The following MON2 variants were observed in gnomAD, a reference collection of about 807,000 sequenced individuals.
MON2 encodes MON2 regulator of endosome-to-Golgi trafficking, also known as protein MON2 homolog.
MON2 carries 84 observed loss-of-function variants against 208.6 expected under a neutral mutation model. The observed-to-expected ratio is 0.40, with a 90% CI of 0.34 to 0.48. The LOEUF (loss-of-function observed/expected upper bound fraction) is 0.48, where lower values mean the gene tolerates loss of function less well. Ranked by LOEUF, MON2 falls within the 20% of genes least tolerant of loss-of-function variation. The probability of loss-of-function intolerance (pLI) is 0.59; values close to 1 mark genes in which losing one functional copy is unlikely to be tolerated. For missense variants in MON2, 1,611 were observed against 2,015.4 expected (o/e 0.80, Z 3.84); for synonymous variants, 660 against 694.0 (o/e 0.95, Z 0.77).
intron 11 of MON2, 147 bp from the exon 12 acceptor site, chr12:62,532,291 C>G: frequency 1.5e-6 from 1 of 647,362 alleles, no homozygotes; most frequent in Non-Finnish European, 2.6e-6. Context: ...GATCTCTTCC[C>G]TAAATGAAAG....
chr12:62,521,097 C>G (rs917069555), intron 8 of MON2, among the ~76,000 whole-genome samples: 3 of 151,804 alleles, frequency 2.0e-5, no homozygotes, highest in Non-Finnish European at 4.4e-5. Flanking sequence ...CCTCTGCCTC[C>G]CAGGTTCAAG....
intron 1 of MON2, among the ~76,000 whole-genome samples, chr12:62,468,956 T>G (rs573603747): frequency 6.6e-6 from 1 of 152,142 alleles, no homozygotes. Flanking sequence ...TTTTTTGTTT[T>G]GTTTTTTGAT....
chr12:62,473,380 A>C (rs2068893454), intron 1 of MON2, among the ~76,000 whole-genome samples: 1 of 151,688 alleles, frequency 6.6e-6, no homozygotes, highest in African/African-American at 2.4e-5. Flanking sequence ...CTCCTCTCCC[A>C]TTTTCCATTA....
At chr12:62,547,441 G>A (rs1592361309) in intron 22 of MON2, among the ~76,000 whole-genome samples, 2 of 152,270 alleles carry the variant, frequency 1.3e-5, no homozygotes, top group African/African-American at 4.8e-5. Flanking sequence ...TAAATTATTT[G>A]ATAAGATGTG....
rs2072895315 is a variant in MON2 at position 62,534,936 on chromosome 12, C to A, written c.1715+10C>A. The stretch of plus-strand genomic sequence containing the variant: ...TCCTTCTTGATGCCAGGTATTAAGT[C>A]TTTGTAAGTTTTATATTGAACTGTG... On this transcript the variant is annotated intron_variant, in intron 13 of 34. Transcript: ENST00000393630. 6.3e-7 allele frequency: 1 copy of A among 1,589,502 alleles called. No homozygotes were observed. Among genetic ancestry groups the A allele is most frequent in the Non-Finnish European group, 8.6e-7 (1 of 1,162,972 alleles).
At chr12:62,554,734 A>G (rs2073894260) in intron 24 of MON2, among the ~76,000 whole-genome samples, 1 of 152,110 alleles carries the variant, frequency 6.6e-6, no homozygotes, top group African/African-American at 2.4e-5. Context: ...GGCTTCAAGC[A>G]ATCATCCCCA....
chr12:62,499,139 T>G (rs2070700556), intron 5 of MON2, 91 bp downstream of exon 5: 1 of 1,310,440 alleles, frequency 7.6e-7, no homozygotes, highest in East Asian at 2.5e-5. Context: ...TGATCAACAT[T>G]ATTATGTCTA....
In MON2 at chr12:62,495,005, C is replaced by T; in HGVS notation, c.304-11C>T. On this transcript the variant is annotated splice_polypyrimidine_tract_variant and intron_variant, in intron 3 of 34. Transcript: ENST00000393630. The stretch of plus-strand genomic sequence containing the variant: ...TATTTGTTGACAATAATTAAAATAA[C>T]TATTTTACAGACTGCAGCTGGAAAT... 1 of 1,588,996 alleles carries T rather than the reference C, an allele frequency of 6.3e-7. No individual in the cohort carries two copies. Among genetic ancestry groups the T allele is most frequent in the Non-Finnish European group, 8.6e-7 (1 of 1,164,150 alleles).
At chr12:62,498,370 C>T (rs1565975143) in intron 4 of MON2, among the ~76,000 whole-genome samples, 3 of 152,092 alleles carry the variant, frequency 2.0e-5, no homozygotes, top group African/African-American at 7.2e-5. Flanking sequence ...CACAAGAAAA[C>T]TTTTGGGGTG....
chr12:62,531,007 T>G (rs2072611203), intron 11 of MON2, among the ~76,000 whole-genome samples: 2 of 152,254 alleles, frequency 1.3e-5, no homozygotes. Context: ...TTTGTGTGCT[T>G]CTTGGCCATT....
intron 7 of MON2, among the ~76,000 whole-genome samples, chr12:62,506,876 GACA>G (rs1193605481): frequency 6.6e-6 from 1 of 152,124 alleles, no homozygotes; most frequent in Non-Finnish European, 1.5e-5. Flanking sequence ...AAATTTGGAT[GACA>G]ACAACAAAAT....
At chr12:62,553,455 A>G in intron 24 of MON2, 1 of 278,932 alleles carries the variant, frequency 3.6e-6, no homozygotes, top group South Asian at 8.1e-5. Context: ...CAGTTTTCCC[A>G]AATGGTAAAA....
intron 1 of MON2, chr12:62,482,404 C>T (rs1320600257): frequency 1.3e-5 from 2 of 152,134 alleles, no homozygotes; most frequent in African/African-American, 2.4e-5. Flanking sequence ...ACTAACAGGC[C>T]ATAGCATACT....
At chr12:62,591,009 A>G (rs1034565000) in intron 34 of MON2, among the ~76,000 whole-genome samples, 6 of 152,242 alleles carry the variant, frequency 3.9e-5, no homozygotes, top group Non-Finnish European at 5.9e-5. Context: ...TTAAGATGTC[A>G]TCATAACATA....
Position 62,599,190 on chromosome 12 carries a change from AAAT to A in MON2, c.*6447_*6449del, listed in dbSNP as rs1265186160. Reference sequence around the variant, plus strand: ...AAAACCATTAATATATAAAATGAAAAAATAATAAACAGAAGACACGAAGTGTCT... The same window carrying A: ...AAAACCATTAATATATAAAATGAAAAAATAAACAGAAGACACGAAGTGTCT... On this transcript the variant is annotated 3_prime_UTR_variant, in exon 35 of 35. Coordinates refer to ENST00000393630, the MANE Select transcript of MON2 (RefSeq NM_015026.3). The A allele has an allele frequency of 2.0e-5, 3 of 152,226 alleles. No homozygotes were observed. Among genetic ancestry groups the A allele is most frequent in the Non-Finnish European group, 4.4e-5 (3 of 68,032 alleles). The allele number at this position is 152,226 out of a possible 1,614,324, so 9.4% of individuals were successfully genotyped here.
intron 29 of MON2, among the ~76,000 whole-genome samples, chr12:62,568,916 G>T (rs2074485637): frequency 6.6e-6 from 1 of 152,132 alleles, no homozygotes; most frequent in Admixed American, 6.5e-5. Flanking sequence ...GCCTCCCAAA[G>T]TGCTGGGATT....
chr12:62,599,668 A>G lies in MON2; in HGVS notation c.*6919A>G, dbSNP rs1247820428. On this transcript the variant is annotated 3_prime_UTR_variant, in exon 35 of 35. Transcript: ENST00000393630. ...GTTGAAGTGAGCTGCCTAGAGTCACATACCTAAAGTCCAGGTGGATCACTA... is the reference window on the plus strand; with the variant it reads ...GTTGAAGTGAGCTGCCTAGAGTCACGTACCTAAAGTCCAGGTGGATCACTA... The G allele has an allele frequency of 6.6e-6, 1 of 152,228 alleles. No homozygotes were observed. The highest frequency in any genetic ancestry group is 6.5e-5 in the Admixed American group (1 of 15,282). The allele number at this position is 152,228 out of a possible 1,614,324, so 9.4% of individuals were successfully genotyped here.
intron 15 of MON2, 56 bp from the exon 16 acceptor site, chr12:62,537,546 T>C (rs1039988985): frequency 1.9e-5 from 26 of 1,335,438 alleles, no homozygotes; most frequent in Non-Finnish European, 2.6e-5. Flanking sequence ...TTTATAAGCT[T>C]TTAATTTTTA....
chr12:62,547,019 G>T lies in MON2; in HGVS notation c.2700G>T (p.Gly900=), dbSNP rs767311448. The stretch of plus-strand genomic sequence containing the variant: ...TGCAGAGTCAGGGAGACAGTCTTGG[G>T]CCTGGATGGCCATTAGTGCTTGGAG... ...QILQSQGDSL[G]PGWPLVLGVM... is the part of the protein sequence containing the mutation. The change falls in exon 22 of 35, where the codon GGG becomes GGT. Residue 900 remains glycine (G), a synonymous_variant. Transcript: ENST00000393630. 1.7e-5 allele frequency: 28 copies of T among 1,609,762 alleles called. No individual in the cohort carries two copies. The highest frequency in any genetic ancestry group is 2.3e-5 in the Non-Finnish European group (27 of 1,177,354).
Sources: allele counts gnomAD v4.1 joint callset (sites outside exome capture counted in the v4.1 genomes callset), GRCh38; gene constraint gnomAD v4.1.1; transcripts MANE v1.5; gene names NCBI Gene and HGNC (gene_info 2026-07-23, HGNC 2026-07-21).